Variants in FERMT3 observed in about 807,000 individuals in gnomAD.
FERMT3 encodes fermitin family homolog 3.
Under a neutral mutation model 80.8 loss-of-function variants are expected in FERMT3, and 33 were observed. The observed-to-expected ratio is 0.41, with a 90% confidence interval of 0.31 to 0.55. The LOEUF (loss-of-function observed/expected upper bound fraction) is 0.55, where lower values mean the gene tolerates loss of function less well. Among genes scored for constraint, FERMT3 ranks in the 20% least tolerant of loss-of-function variants. FERMT3 has a pLI of 0.31. For missense variants in FERMT3, 754 were observed against 908.7 expected (o/e 0.83, Z 2.19); for synonymous variants, 375 against 372.2 (o/e 1.01, Z -0.09).
intron 2 of FERMT3, 154 bp downstream of exon 2, chr11:64,207,678 A>AT: frequency 1.1e-6 from 1 of 927,918 alleles, no homozygotes; most frequent in South Asian, 1.8e-5. Context: ...CAAAAAAGAC[A>AT]TTTCCCCAAC....
At position 64,219,859 on chromosome 11, in the gene FERMT3, C is replaced by T. The variant is rs746211685; in HGVS notation, c.1080-32C>T. On this transcript the variant is annotated intron_variant, in intron 9 of 14. Transcript: ENST00000345728. This position sits in a 1 kb window ranked among gnomAD's most constrained non-coding sequence, Gnocchi z 4.0. ...CTGCATATGGAGGGAGGGGGTGAGG[C>T]GGCCTTTCACAAACCCCAGCATCCC... 7 of 1,613,806 alleles carry T rather than the reference C, an allele frequency of 4.3e-6. No homozygotes were observed. The highest frequency in any genetic ancestry group is 4.5e-5 in the East Asian group (2 of 44,870).
In FERMT3 at chr11:64,211,283, C is replaced by T. The variant is rs749978481; in HGVS notation, c.523C>T (p.Pro175Ser). 1.9e-6 allele frequency: 3 copies of T among 1,613,340 alleles called. No homozygotes were observed. The highest frequency in any genetic ancestry group is 2.2e-5 in the East Asian group (1 of 44,880). ...CCCAACCTGCACTCCAGGCGTGGCA[C>T]CTGCACTGTTCCGGGGGATGCCAGC... The part of the protein sequence containing the change: ...SKVVLAGGVA[P>S]ALFRGMPAHF... The change falls in exon 5 of 15, where the codon CCT becomes TCT. Residue 175 changes from proline to serine, a missense_variant. Transcript: ENST00000345728. The surrounding 1 kb of genome is among the most constrained non-coding windows in gnomAD (Gnocchi z 4.7).
intron 6 of FERMT3, among the ~76,000 whole-genome samples, chr11:64,218,898 T>TG (rs1946610489): frequency 7.1e-6 from 1 of 141,334 alleles, no homozygotes; most frequent in African/African-American, 3.2e-5. Context: ...TGAGGGCTCA[T>TG]GTGAGCTTCC....
At chr11:64,209,193 G>A (rs1946384038) in intron 2 of FERMT3, among the ~76,000 whole-genome samples, 1 of 152,200 alleles carries the variant, frequency 6.6e-6, no homozygotes. Context: ...GGGCACCTCT[G>A]TGCACAGCGA....
chr11:64,221,123 C>G lies in FERMT3; in HGVS notation c.1653C>G (p.Ile551Met), dbSNP rs1946672475. The G allele has an allele frequency of 1.2e-6, 2 of 1,610,062 alleles. No homozygotes were observed. Among genetic ancestry groups the G allele is most frequent in the South Asian group, 1.1e-5 (1 of 91,096 alleles). ...QAWQSLPDFG[I>M]SYVMVRFKGS... ...GGCAGTCCCTGCCCGACTTCGGCAT[C>G]TCCTATGTCATGGTCAGGTATGGCC... The change falls in exon 13 of 15, where the codon ATC becomes ATG. Residue 551 changes from isoleucine to methionine, a missense_variant. Physicochemically the swap from Ile to Met is conservative, Grantham distance 10. Transcript: ENST00000345728.
intron 10 of FERMT3, 98 bp downstream of exon 10, chr11:64,220,113 G>A (rs1339267614): frequency 1.3e-6 from 2 of 1,578,292 alleles, no homozygotes; most frequent in East Asian, 2.2e-5. Context: ...GGAGACCGGG[G>A]AAGATGCCCT....
At chr11:64,222,058 G>A (rs1444410085) in intron 13 of FERMT3, among the ~76,000 whole-genome samples, 4 of 151,894 alleles carry the variant, frequency 2.6e-5, no homozygotes, top group Non-Finnish European at 1.5e-5. Context: ...GACCAACATG[G>A]TGAAACCCTG....
At position 64,223,613 on chromosome 11, in the gene FERMT3, T is replaced by G; in HGVS notation, c.*121T>G. The stretch of plus-strand genomic sequence containing the variant: ...CAGGCACCCAGCTGGGCATTTCACC[T>G]GCTGTCACTGACTTTGTGCAGGCCA... On this transcript the variant is annotated 3_prime_UTR_variant, in exon 15 of 15. Transcript: ENST00000345728. 1 of 1,205,652 alleles carries G rather than the reference T, an allele frequency of 8.3e-7. No homozygotes were observed. The highest frequency in any genetic ancestry group is 1.3e-5 in the South Asian group (1 of 76,268). The allele number at this position is 1,205,652 out of a possible 1,614,324, so 74.7% of individuals were successfully genotyped here. A position where few individuals can be genotyped will look rare whatever the true frequency, so the allele number is the denominator to read the frequency against.
chr11:64,219,497 G>A lies in FERMT3; in HGVS notation c.895-27G>A, dbSNP rs770154658. On this transcript the variant is annotated intron_variant, in intron 7 of 14. Transcript: ENST00000345728. This position sits in a 1 kb window ranked among gnomAD's most constrained non-coding sequence, Gnocchi z 4.0. ...CTAGGGGACCAGGCTGCTGGACTCA[G>A]CCCTCCCTGGCTTCATGACCACCTA... 11 of 1,583,154 alleles carry A rather than the reference G, an allele frequency of 6.9e-6. No homozygotes were observed. The highest frequency in any genetic ancestry group is 1.8e-5 in the Admixed American group (1 of 54,408).
intron 6 of FERMT3, among the ~76,000 whole-genome samples, chr11:64,215,623 G>A (rs1415319667): frequency 1.3e-5 from 2 of 151,948 alleles, no homozygotes; most frequent in Non-Finnish European, 2.9e-5. Flanking sequence ...ACCCAGACTA[G>A]AGTGCAGTGG....
chr11:64,220,523 C>T lies in FERMT3; in HGVS notation c.1399C>T (p.Gln467Ter). 1 of 1,607,806 alleles carries T rather than the reference C, an allele frequency of 6.2e-7. No homozygotes were observed. Among genetic ancestry groups the T allele is most frequent in the Non-Finnish European group, 8.5e-7 (1 of 1,177,584 alleles). The change falls in exon 12 of 15, where the codon CAG (glutamine) becomes TAG (stop). Residue 467 changes from glutamine to a stop codon, truncating the protein, a stop_gained. Transcript: ENST00000345728. LOFTEE classifies it high-confidence loss of function. ...MADSSYTSEV[Q>*]AILAFLSLQR... is the part of the protein sequence containing the mutation. Reference sequence around the variant, plus strand: ...CGACAGCAGCTACACCAGCGAGGTGCAGGCCATCCTGGCCTTCCTCAGCCT... The same window carrying T: ...CGACAGCAGCTACACCAGCGAGGTGTAGGCCATCCTGGCCTTCCTCAGCCT...
In FERMT3 at chr11:64,220,557, C is replaced by T. The variant is rs749384270; in HGVS notation, c.1433C>T (p.Thr478Met). The change falls in exon 12 of 15, where the codon ACG becomes ATG. Residue 478 changes from threonine to methionine, a missense_variant. Physicochemically the swap from Thr to Met is moderately conservative, Grantham distance 81. Coordinates refer to ENST00000345728, the MANE Select transcript of FERMT3 (RefSeq NM_031471.6). ...AILAFLSLQR[T>M]GSGGPGNHPH... ...CTGGCCTTCCTCAGCCTGCAGCGCA[C>T]GGGCAGTGGGGGCCCGGGCAACCAC... 1.6e-5 allele frequency: 25 copies of T among 1,607,562 alleles called. No homozygotes were observed. The highest frequency in any genetic ancestry group is 4.5e-5 in the East Asian group (2 of 44,604).
At chr11:64,206,443 T>C (rs1946311849), upstream of FERMT3, among the ~76,000 whole-genome samples, 1 of 152,204 alleles carries the variant, frequency 6.6e-6, no homozygotes, top group Non-Finnish European at 1.5e-5. Context: ...GGCAGACACT[T>C]CCCACAAAAG....
At position 64,211,466 on chromosome 11, in the gene FERMT3, CTG is replaced by C. The variant is rs1437294840; in HGVS notation, c.683+27_683+28del. Reference sequence around the variant, plus strand: ...CAGGTGCACCCAGGAGCCACGCCCCCTGTGTCAGGGCTCCCCCACCCAGGATC... The same window carrying C: ...CAGGTGCACCCAGGAGCCACGCCCCCTGTCAGGGCTCCCCCACCCAGGATC... On this transcript the variant is annotated intron_variant, in intron 5 of 14. Transcript: ENST00000345728. This position sits in a 1 kb window ranked among gnomAD's most constrained non-coding sequence, Gnocchi z 4.7. 1.9e-6 allele frequency: 3 copies of C among 1,565,548 alleles called. No individual in the cohort carries two copies. The highest frequency in any genetic ancestry group is 1.4e-5 in the African/African-American group (1 of 73,886).
rs554245597 is a variant in FERMT3 at position 64,219,799 on chromosome 11, G to T, written c.1079+10G>T. On this transcript the variant is annotated intron_variant, in intron 9 of 14. Coordinates refer to ENST00000345728, the MANE Select transcript of FERMT3 (RefSeq NM_031471.6). This position sits in a 1 kb window ranked among gnomAD's most constrained non-coding sequence, Gnocchi z 4.0. ...ATCTCCGAATCTTTCGGTGAGTTGG[G>T]GGCCAGAGTAGGCAGCCCTGCTGGA... The T allele has an allele frequency of 5.5e-5, 88 of 1,614,078 alleles. No homozygotes were observed. Among genetic ancestry groups the T allele is most frequent in the Non-Finnish European group, 7.4e-5 (87 of 1,180,034 alleles).
In FERMT3 at chr11:64,219,643, G is replaced by T. The variant is rs774290819; in HGVS notation, c.1014G>T (p.Ala338=). 1.1e-5 allele frequency: 17 copies of T among 1,613,352 alleles called. No individual in the cohort carries two copies. The highest frequency in any genetic ancestry group is 1.6e-4 in the Middle Eastern group (1 of 6,062). ...TGGAGGTGAAGCTGGAGGGGTCGGC[G>T]CCCACAGATGTGCTGGTGAGGAGGG... is the stretch of plus-strand genomic sequence containing the variant. ...SNLEVKLEGS[A]PTDVLDSLTT... Residue 338 remains alanine (A), a synonymous_variant, in exon 8 of 15, where the codon GCG becomes GCT. Coordinates refer to ENST00000345728, the MANE Select transcript of FERMT3 (RefSeq NM_031471.6). The surrounding 1 kb of genome is among the most constrained non-coding windows in gnomAD (Gnocchi z 4.0).
In FERMT3 at chr11:64,220,553, C is replaced by T. The variant is rs540846591; in HGVS notation, c.1429C>T (p.Arg477Cys). ...QAILAFLSLQ[R>C]TGSGGPGNHP... is the part of the protein sequence containing the mutation. ...CATCCTGGCCTTCCTCAGCCTGCAG[C>T]GCACGGGCAGTGGGGGCCCGGGCAA... Residue 477 changes from arginine (R) to cysteine (C), a missense_variant, in exon 12 of 15, where the codon CGC (arginine) becomes TGC (cysteine). Coordinates refer to ENST00000345728, the MANE Select transcript of FERMT3 (RefSeq NM_031471.6). 21 of 1,607,218 alleles carry T rather than the reference C, an allele frequency of 1.3e-5. No homozygotes were observed. In the East Asian group the frequency reaches 2.2e-4, roughly 17 times the overall value.
chr11:64,209,429 G>C (rs1252376822), intron 2 of FERMT3, among the ~76,000 whole-genome samples: 1 of 152,202 alleles, frequency 6.6e-6, no homozygotes, highest in African/African-American at 2.4e-5. Flanking sequence ...ACAGAATAGG[G>C]AGACCCAGTA....
At chr11:64,206,224 C>T (rs1179389678), upstream of FERMT3, among the ~76,000 whole-genome samples, 5 of 152,194 alleles carry the variant, frequency 3.3e-5, no homozygotes, top group East Asian at 9.6e-4. Flanking sequence ...GGTAGCCCTA[C>T]GCGGAGCTAG....
Sources: allele counts gnomAD v4.1 joint callset (sites outside exome capture counted in the v4.1 genomes callset), GRCh38; gene constraint gnomAD v4.1.1; non-coding constraint Gnocchi (gnomAD v3.1); transcripts MANE v1.5; gene names NCBI Gene and HGNC (gene_info 2026-07-23, HGNC 2026-07-21).